The following BRIP1 variants were observed in gnomAD, a reference collection of about 807,000 sequenced individuals.
The protein encoded by BRIP1 is Fanconi anemia group J protein.
Under a neutral mutation model 119.7 loss-of-function variants are expected in BRIP1, and 88 were observed. That is an observed-to-expected ratio of 0.74 (90% confidence interval 0.62 to 0.88). BRIP1 has a LOEUF of 0.88. Ranked by LOEUF, BRIP1 falls within the 40% of genes least tolerant of loss-of-function variation. The pLI, the probability that BRIP1 is intolerant of heterozygous loss-of-function variation, is 0.00. For missense variants in BRIP1, 1,259 were observed against 1,455.4 expected (o/e 0.87, Z 2.20); for synonymous variants, 443 against 496.5 (o/e 0.89, Z 1.43).
At chr17:61,741,152 C>G (rs1413522449) in intron 16 of BRIP1, among the ~76,000 whole-genome samples, 1 of 152,166 alleles carries the variant, frequency 6.6e-6, no homozygotes, top group Non-Finnish European at 1.5e-5. Context: ...CTCAAGAAAC[C>G]ACTTTCTTTG....
At chr17:61,733,811 A>G (rs1490949256) in intron 16 of BRIP1, among the ~76,000 whole-genome samples, 1 of 151,850 alleles carries the variant, frequency 6.6e-6, no homozygotes, top group East Asian at 1.9e-4. Flanking sequence ...CTATATTACC[A>G]AAAAAACCCA....
intron 17 of BRIP1, among the ~76,000 whole-genome samples, chr17:61,707,031 ATTTT>A (rs202244837): frequency 3.4e-5 from 5 of 148,630 alleles, no homozygotes; most frequent in East Asian, 3.9e-4. Flanking sequence ...TCCTTTTTAA[ATTTT>A]TTTTTTTTAT....
chr17:61,781,704 C>T (rs570031349), intron 11 of BRIP1, among the ~76,000 whole-genome samples: 7 of 151,900 alleles, frequency 4.6e-5, no homozygotes, highest in Non-Finnish European at 8.8e-5. Context: ...AGGTGGATCA[C>T]GAGGTCAGGA....
chr17:61,788,976 C>T (rs954662084), intron 10 of BRIP1, among the ~76,000 whole-genome samples: 6 of 151,922 alleles, frequency 3.9e-5, no homozygotes, highest in Non-Finnish European at 5.9e-5. Context: ...TGCTTGTGGT[C>T]CCAGGTACTT....
In BRIP1 at chr17:61,843,482, C is replaced by A. The variant is rs2078686488; in HGVS notation, c.627+3619G>T. Among the ~76,000 whole-genome samples, 2 of 152,072 alleles carry A rather than the reference C, an allele frequency of 1.3e-5. No individual in the cohort carries two copies. The highest frequency in any genetic ancestry group is 4.8e-5 in the African/African-American group (2 of 41,396). ...TCCAACTCTCATGCTGAAATGTGAT[C>A]CCCCAAGTTGGAGGTGGGGCCTAGT... On this transcript the variant is annotated intron_variant, in intron 6 of 19. Transcript: ENST00000259008. The surrounding 1 kb of genome is among the most constrained non-coding windows in gnomAD (Gnocchi z 5.7).
chr17:61,788,640 A>T (rs1383011533), intron 10 of BRIP1, among the ~76,000 whole-genome samples: 2 of 152,178 alleles, frequency 1.3e-5, no homozygotes, highest in African/African-American at 2.4e-5. Context: ...AATCAAGTCC[A>T]GATATAAATT....
intron 17 of BRIP1, among the ~76,000 whole-genome samples, chr17:61,694,924 A>G (rs2061499904): frequency 6.7e-6 from 1 of 150,288 alleles, no homozygotes; most frequent in African/African-American, 2.5e-5. Context: ...TCTGGATACT[A>G]GATCCTGCTA....
At chr17:61,785,933 G>C (rs1055240116) in intron 10 of BRIP1, among the ~76,000 whole-genome samples, 2 of 151,706 alleles carry the variant, frequency 1.3e-5, no homozygotes, top group African/African-American at 4.8e-5. Flanking sequence ...TGGGTTGGGG[G>C]GGGTAGAAAA....
intron 16 of BRIP1, among the ~76,000 whole-genome samples, chr17:61,718,769 T>C (rs1302937581): frequency 6.6e-6 from 1 of 152,240 alleles, no homozygotes. Flanking sequence ...AATGGTACAG[T>C]TGTCCCTTGG....
rs967336260 is a variant in BRIP1, at chr17:61,746,466, C to A, written c.2098-1875G>T. ...GTGACTCACTTTAAATTTAAGGATA[C>A]CCATAGGCTGAAAGTGAAGGGATAG... On this transcript the variant is annotated intron_variant, in intron 14 of 19. Coordinates refer to ENST00000259008, the MANE Select transcript of BRIP1 (RefSeq NM_032043.3). The surrounding 1 kb of genome is among the most constrained non-coding windows in gnomAD (Gnocchi z 4.9). 6.6e-6 allele frequency among the ~76,000 whole-genome samples: 1 copy of A among 151,894 alleles called. No homozygotes were observed. Among genetic ancestry groups the A allele is most frequent in the Non-Finnish European group, 1.5e-5 (1 of 67,942 alleles).
rs149574415 is a variant in BRIP1 at position 61,739,602 on chromosome 17, A to G, written c.2379+3411T>C. On this transcript the variant is annotated intron_variant, in intron 16 of 19. Coordinates refer to ENST00000259008, the MANE Select transcript of BRIP1 (RefSeq NM_032043.3). This position sits in a 1 kb window ranked among gnomAD's most constrained non-coding sequence, Gnocchi z 6.0. ...TGTTACCTAAAGACTGCTACGGACT[A>G]GAAAAATAAAAGAAAAATTATCTAA... Among the ~76,000 whole-genome samples the G allele has an allele frequency of 6.6e-6, 1 of 152,358 alleles. No individual in the cohort carries two copies. Among genetic ancestry groups the G allele is most frequent in the African/African-American group, 2.4e-5 (1 of 41,586 alleles).
At position 61,683,862 on chromosome 17, in the gene BRIP1, T is replaced by A. The variant is rs2144085269; in HGVS notation, c.3184A>T (p.Thr1062Ser). The A allele has an allele frequency of 6.2e-7, 1 of 1,614,182 alleles. No homozygotes were observed. The highest frequency in any genetic ancestry group is 8.5e-7 in the Non-Finnish European group (1 of 1,180,024). The change falls in exon 20 of 20, where the codon ACA becomes TCA. Residue 1062 changes from threonine (T) to serine (S), a missense_variant. By Grantham distance (58) the Thr-to-Ser change is moderately conservative (BLOSUM62 1). This residue lies in a region of BRIP1 where 753 missense variants were observed against 891.8 expected (regional missense o/e 0.84). Transcript: ENST00000259008. The surrounding 1 kb of genome is among the most constrained non-coding windows in gnomAD (Gnocchi z 4.7). ...GATTGAGGGCATGATCCAAACGATG[T>A]GTTTACTGTCAGATTTGAGGATTCA... is the stretch of plus-strand genomic sequence containing the variant. The part of the protein sequence containing the change: ...KCESSNLTVN[T>S]SFGSCPQSET...
intron 6 of BRIP1, among the ~76,000 whole-genome samples, chr17:61,826,033 T>C (rs1179709505): frequency 1.3e-5 from 2 of 152,124 alleles, no homozygotes; most frequent in Non-Finnish European, 2.9e-5. Context: ...CAAAACATCA[T>C]GGTACTGGTA....
chr17:61,797,179 T>G (rs2077912958), intron 9 of BRIP1, among the ~76,000 whole-genome samples: 1 of 151,982 alleles, frequency 6.6e-6, no homozygotes, highest in South Asian at 2.1e-4. Flanking sequence ...TATTCTAAGC[T>G]ATGATACTAC....
rs937632724 is a variant in BRIP1, at chr17:61,775,389, A to G, written c.2097+1012T>C. ...TATCAAAGTACATATATATAAAAAGACAGTAGAAGAGTCAAAAGTATCAAT... is the reference window on the plus strand; with the variant it reads ...TATCAAAGTACATATATATAAAAAGGCAGTAGAAGAGTCAAAAGTATCAAT... On this transcript the variant is annotated intron_variant, in intron 14 of 19. Coordinates refer to ENST00000259008, the MANE Select transcript of BRIP1 (RefSeq NM_032043.3). The surrounding 1 kb of genome is among the most constrained non-coding windows in gnomAD (Gnocchi z 4.4). Among the ~76,000 whole-genome samples the G allele has an allele frequency of 6.6e-5, 10 of 152,320 alleles. No homozygotes were observed. Among genetic ancestry groups the G allele is most frequent in the Admixed American group, 5.9e-4 (9 of 15,290 alleles).
At chr17:61,788,064 A>C (rs1345392592) in intron 10 of BRIP1, among the ~76,000 whole-genome samples, 1 of 152,232 alleles carries the variant, frequency 6.6e-6, no homozygotes, top group Non-Finnish European at 1.5e-5. Flanking sequence ...GTCATTATTC[A>C]GACAATATGG....
rs1291755739 is a variant in BRIP1 at position 61,681,424 on chromosome 17, G to A, written c.*1872C>T. 7 of 212,072 alleles carry A rather than the reference G, an allele frequency of 3.3e-5. No individual in the cohort carries two copies. Among genetic ancestry groups the A allele is most frequent in the Non-Finnish European group, 5.7e-5 (6 of 104,726 alleles). The allele number at this position is 212,072 out of a possible 1,614,324, so 13.1% of individuals were successfully genotyped here. A position where few individuals can be genotyped will look rare whatever the true frequency, so the allele number is the denominator to read the frequency against. ...GTACTAACCGCTGCATTTTACAGATGAAACTAATTCCCTGAAGGGTGTGGT... is the reference window on the plus strand; with the variant it reads ...GTACTAACCGCTGCATTTTACAGATAAAACTAATTCCCTGAAGGGTGTGGT... On this transcript the variant is annotated 3_prime_UTR_variant, in exon 20 of 20. Coordinates refer to ENST00000259008, the MANE Select transcript of BRIP1 (RefSeq NM_032043.3). This position sits in a 1 kb window ranked among gnomAD's most constrained non-coding sequence, Gnocchi z 5.1.
At position 61,783,049 on chromosome 17, in the gene BRIP1, A is replaced by G. The variant is rs2077647660; in HGVS notation, c.1628+1221T>C. Among the ~76,000 whole-genome samples the G allele has an allele frequency of 2.6e-5, 4 of 152,224 alleles. No homozygotes were observed. The South Asian group carries it at 8.3e-4, about 32-fold the overall frequency. ...TCTGCAATTCCACTGCTAGGTACTT[A>G]TATACACCCAGAAGAACTGAAAGCA... On this transcript the variant is annotated intron_variant, in intron 11 of 19. Transcript: ENST00000259008.
In BRIP1 at chr17:61,683,189, G is replaced by GT; in HGVS notation, c.*106dup. Reference sequence around the variant, plus strand: ...CATTTACATTTCTGAACATAAAATAGTTTTTTAAAAAGTATGCCACTTATT... The same window carrying GT: ...CATTTACATTTCTGAACATAAAATAGTTTTTTTAAAAAGTATGCCACTTATT... On this transcript the variant is annotated 3_prime_UTR_variant, in exon 20 of 20. Transcript: ENST00000259008. This position sits in a 1 kb window ranked among gnomAD's most constrained non-coding sequence, Gnocchi z 4.7. 7.6e-7 allele frequency: 1 copy of GT among 1,314,410 alleles called. No individual in the cohort carries two copies. The highest frequency in any genetic ancestry group is 1.1e-6 in the Non-Finnish European group (1 of 944,490). 81.4% of individuals were successfully genotyped at this position (1,314,410 alleles called of 1,614,324 possible). A position where few individuals can be genotyped will look rare whatever the true frequency, so the allele number is the denominator to read the frequency against.
Sources: allele counts gnomAD v4.1 joint callset (sites outside exome capture counted in the v4.1 genomes callset), GRCh38; gene constraint gnomAD v4.1.1; regional missense constraint gnomAD v4.1.1; non-coding constraint Gnocchi (gnomAD v3.1); transcripts MANE v1.5; gene names NCBI Gene and HGNC (gene_info 2026-07-23, HGNC 2026-07-21).